Variants in AP4S1 observed in about 807,000 individuals in gnomAD.
AP4S1 encodes the protein AP-4 complex subunit sigma-1.
In AP4S1, 23 loss-of-function variants were observed where a neutral mutation model predicts 19.8. The observed-to-expected ratio is 1.16, with a 90% confidence interval of 0.84 to 1.65. AP4S1 has a LOEUF of 1.65. Ranked by LOEUF, AP4S1 falls within the 40% of genes most tolerant of loss-of-function variation. The pLI, the probability that AP4S1 is intolerant of heterozygous loss-of-function variation, is 0.00. For missense variants in AP4S1, 166 were observed against 172.8 expected, an observed-to-expected ratio of 0.96 and a Z score of 0.22; for synonymous variants, 46 against 54.1, an observed-to-expected ratio of 0.85 and a Z score of 0.66.
chr14:31,052,307 TCA>T (rs1396171323), intron 1 of AP4S1, among the ~76,000 whole-genome samples: 4 of 152,246 alleles, frequency 2.6e-5, no homozygotes, highest in African/African-American at 7.2e-5. Flanking sequence ...TTAACAATTC[TCA>T]GTTTGTAGTA....
intron 2 of AP4S1, among the ~76,000 whole-genome samples, chr14:31,069,550 A>T (rs1184791304): frequency 6.6e-6 from 1 of 152,206 alleles, no homozygotes; most frequent in Non-Finnish European, 1.5e-5. Context: ...ATTATGCATT[A>T]CCTTTGCCTG....
chr14:31,036,922 C>T (rs1049651178), intron 1 of AP4S1, among the ~76,000 whole-genome samples: 3 of 152,088 alleles, frequency 2.0e-5, no homozygotes, highest in African/African-American at 7.2e-5. Context: ...AAGTGATTCT[C>T]CTGCCTCAGC....
At chr14:31,071,979 T>C (rs988910536) in intron 3 of AP4S1, among the ~76,000 whole-genome samples, 1 of 151,752 alleles carries the variant, frequency 6.6e-6, no homozygotes, top group Non-Finnish European at 1.5e-5. Context: ...TGGAGTACAG[T>C]GGCACAATCT....
At chr14:31,090,489 A>G (rs183985327) in intron 5 of AP4S1, among the ~76,000 whole-genome samples, 34 of 152,356 alleles carry the variant, frequency 2.2e-4, no homozygotes, top group African/African-American at 7.7e-4. Flanking sequence ...GGAGCCCATG[A>G]AAGAAAACAA....
chr14:31,049,978 G>T (rs1339293837), intron 1 of AP4S1, among the ~76,000 whole-genome samples: 1 of 152,150 alleles, frequency 6.6e-6, no homozygotes, highest in Non-Finnish European at 1.5e-5. Context: ...CTGGAGTGCA[G>T]TGGCATGATC....
intron 5 of AP4S1, among the ~76,000 whole-genome samples, chr14:31,088,168 G>GT (rs1375315796): frequency 6.6e-6 from 1 of 151,968 alleles, no homozygotes; most frequent in African/African-American, 2.4e-5. Context: ...CTGCCTCCAG[G>GT]TTTTTTTTGG....
chr14:31,057,302 A>G (rs1886173750), intron 1 of AP4S1, among the ~76,000 whole-genome samples: 1 of 152,136 alleles, frequency 6.6e-6, no homozygotes, highest in Non-Finnish European at 1.5e-5. Context: ...CCTAACCTAC[A>G]ACTGACATGC....
At chr14:31,028,582 G>A (rs368048460) in intron 1 of AP4S1, among the ~76,000 whole-genome samples, 3 of 144,452 alleles carry the variant, frequency 2.1e-5, no homozygotes, top group African/African-American at 7.8e-5. Flanking sequence ...CTGCCTCAAA[G>A]ACATACACAC....
chr14:31,063,216 A>C (rs1263009236), intron 1 of AP4S1, among the ~76,000 whole-genome samples: 1 of 152,152 alleles, frequency 6.6e-6, no homozygotes, highest in Non-Finnish European at 1.5e-5. Context: ...AGATCACTTG[A>C]GGTCAGGAGT....
rs140914873 is a variant in AP4S1 at position 31,053,258 on chromosome 14, A to G, written c.-71-12868A>G. ...GTCCGGCCTTGTGCTAAATGTTTTT[A>G]CAACAATTATGTCATTTGCCTCATT... On this transcript the variant is annotated intron_variant, in intron 1 of 5. Coordinates refer to ENST00000542754, the MANE Select transcript of AP4S1 (RefSeq NM_001128126.3). 3.9e-5 allele frequency among the ~76,000 whole-genome samples: 6 copies of G among 152,248 alleles called. No individual in the cohort carries two copies. In the East Asian group the frequency reaches 1.2e-3, roughly 29 times the overall value.
Position 31,096,087 on chromosome 14 carries a change from CT to C in AP4S1, c.*3053del, listed in dbSNP as rs1888194254. The C allele has an allele frequency of 1.3e-4, 12 of 93,148 alleles. No individual in the cohort carries two copies. In the Admixed American group the frequency reaches 1.5e-3, roughly 12 times the overall value. The allele number at this position is 93,148 out of a possible 1,614,324, so 5.8% of individuals were successfully genotyped here. A position where few individuals can be genotyped will look rare whatever the true frequency, so the allele number is the denominator to read the frequency against. On this transcript the variant is annotated 3_prime_UTR_variant, in exon 6 of 6. Coordinates refer to ENST00000542754, the MANE Select transcript of AP4S1 (RefSeq NM_001128126.3). The stretch of plus-strand genomic sequence containing the variant: ...GCCTGGGCACAGAGTGAGATTCCGT[CT>C]CAAAAAAAAAAAAAAAAAAAAAAGT...
intron 1 of AP4S1, among the ~76,000 whole-genome samples, chr14:31,052,342 C>T (rs1381652032): frequency 6.6e-6 from 1 of 152,056 alleles, no homozygotes; most frequent in East Asian, 1.9e-4. Context: ...CCATGTTTCA[C>T]TATTTATAAT....
chr14:31,065,310 C>A (rs955264523), intron 1 of AP4S1, among the ~76,000 whole-genome samples: 17 of 152,206 alleles, frequency 1.1e-4, no homozygotes, highest in African/African-American at 3.9e-4. Context: ...TCTTCACGAC[C>A]TCACATCAGT....
intron 1 of AP4S1, among the ~76,000 whole-genome samples, chr14:31,042,928 A>G (rs973280713): frequency 1.3e-5 from 2 of 152,146 alleles, no homozygotes; most frequent in African/African-American, 2.4e-5. Context: ...AATTTTTCAG[A>G]TGTAGCTGGG....
chr14:31,084,790 A>G, intron 5 of AP4S1: 3 of 1,614,176 alleles, frequency 1.9e-6, no homozygotes, highest in Non-Finnish European at 2.5e-6. Context: ...TGAACTTCCC[A>G]AAATATGCTC....
At chr14:31,046,346 T>C (rs1206014653) in intron 1 of AP4S1, among the ~76,000 whole-genome samples, 1 of 152,208 alleles carries the variant, frequency 6.6e-6, no homozygotes, top group East Asian at 1.9e-4. Context: ...ACTGTAGATA[T>C]GCTTTTTCTG....
intron 2 of AP4S1, among the ~76,000 whole-genome samples, chr14:31,066,646 T>A (rs969406868): frequency 1.3e-5 from 2 of 152,222 alleles, no homozygotes; most frequent in Non-Finnish European, 2.9e-5. Flanking sequence ...TTTTCATTCC[T>A]ATGAATTCAG....
chr14:31,085,895 G>C (rs1276104620), intron 5 of AP4S1: 2 of 938,950 alleles, frequency 2.1e-6, no homozygotes, highest in South Asian at 9.9e-5. Context: ...AAAAAACCCT[G>C]ATTCATGTCC....
intron 2 of AP4S1, among the ~76,000 whole-genome samples, chr14:31,066,752 C>T (rs1281525336): frequency 6.6e-6 from 1 of 152,074 alleles, no homozygotes; most frequent in African/African-American, 2.4e-5. Flanking sequence ...ACTGAAGACC[C>T]ATTTTGTGCC....
Sources: gnomAD v4.1 joint callset for allele counts (sites outside exome capture counted in the v4.1 genomes callset) on GRCh38, gnomAD v4.1.1 for gene constraint, MANE v1.5 for transcripts, NCBI Gene and HGNC (gene_info 2026-07-23, HGNC 2026-07-21) for gene names.